OTOGL: variants seen among roughly 807,000 people sequenced by gnomAD.
OTOGL encodes the protein otogelin-like protein.
In OTOGL, 285 loss-of-function variants were observed where a neutral mutation model predicts 318.5. The ratio of observed to expected loss-of-function variants is 0.89; its 90% CI spans 0.81 to 0.99. The LOEUF (loss-of-function observed/expected upper bound fraction) is 0.99, where lower values mean the gene tolerates loss of function less well. OTOGL is among the 50% of genes least tolerant of loss of function. The probability of loss-of-function intolerance (pLI) is 0.00; values close to 1 mark genes in which losing one functional copy is unlikely to be tolerated. For missense variants in OTOGL, 2,899 were observed against 2,845.6 expected (o/e 1.02, Z -0.43); for synonymous variants, 987 against 936.5 (o/e 1.05, Z -0.99).
intron 1 of OTOGL, among the ~76,000 whole-genome samples, chr12:80,101,155 T>C (rs367798640): frequency 6.6e-6 from 1 of 152,200 alleles, no homozygotes; most frequent in Admixed American, 6.5e-5. Context: ...ACTTAAGATG[T>C]TCCTGCAGAA....
At chr12:80,369,028 A>T (rs1050442931) in intron 55 of OTOGL, among the ~76,000 whole-genome samples, 2 of 151,878 alleles carry the variant, frequency 1.3e-5, no homozygotes, top group Non-Finnish European at 2.9e-5. Flanking sequence ...AAAAATATAT[A>T]TATGTATAAT....
chr12:80,352,620 C>A (rs1184415562), intron 45 of OTOGL, among the ~76,000 whole-genome samples, 184 bp downstream of exon 45: 1 of 152,142 alleles, frequency 6.6e-6, no homozygotes, highest in Non-Finnish European at 1.5e-5. Context: ...ACATGAAGCT[C>A]CCTTTGTGCC....
chr12:80,319,239 C>T (rs929337620), intron 33 of OTOGL, among the ~76,000 whole-genome samples: 3 of 152,106 alleles, frequency 2.0e-5, no homozygotes, highest in African/African-American at 7.2e-5. Context: ...CTGGTTTGCA[C>T]CTGCAGGTCT....
intron 1 of OTOGL, among the ~76,000 whole-genome samples, chr12:80,105,729 C>T (rs1400458917): frequency 6.6e-6 from 1 of 152,138 alleles, no homozygotes; most frequent in Non-Finnish European, 1.5e-5. Context: ...TCCCCTTTAC[C>T]CATTCAGACT....
chr12:80,107,563 C>T (rs947878274), intron 1 of OTOGL, among the ~76,000 whole-genome samples: 8 of 152,224 alleles, frequency 5.3e-5, no homozygotes, highest in Non-Finnish European at 7.4e-5. Flanking sequence ...GAACTTAAAA[C>T]AGAATTACCG....
In OTOGL at chr12:80,356,406, T is replaced by A; in HGVS notation, c.5807-10T>A. The stretch of plus-strand genomic sequence containing the variant: ...TTCACTAATATTTTAACAGTTTTTC[T>A]TATTTATAGGATGTGACACGACTTT... On this transcript the variant is annotated splice_polypyrimidine_tract_variant and intron_variant, in intron 47 of 58. Coordinates refer to ENST00000547103, the MANE Select transcript of OTOGL (RefSeq NM_001378609.3). 1 of 1,596,650 alleles carries A rather than the reference T, an allele frequency of 6.3e-7. No homozygotes were observed. The highest frequency in any genetic ancestry group is 8.6e-7 in the Non-Finnish European group (1 of 1,168,680).
intron 44 of OTOGL, chr12:80,343,922 A>G (rs1202571963): frequency 6.6e-6 from 1 of 152,224 alleles, no homozygotes; most frequent in Admixed American, 6.5e-5. Flanking sequence ...GGAAAACATT[A>G]AAAGAGTTTG....
chr12:80,214,689 A>T (rs1270372265), intron 4 of OTOGL, among the ~76,000 whole-genome samples: 1 of 152,124 alleles, frequency 6.6e-6, no homozygotes, highest in African/African-American at 2.4e-5. Context: ...TTGATGACAT[A>T]CCAAGGACAG....
intron 18 of OTOGL, among the ~76,000 whole-genome samples, chr12:80,259,606 C>T (rs975882843): frequency 2.0e-5 from 3 of 151,974 alleles, no homozygotes; most frequent in African/African-American, 2.4e-5. Context: ...TTGCTCAACT[C>T]CCACTTATGA....
In OTOGL at chr12:80,274,234, T is replaced by G. The variant is rs1366674011; in HGVS notation, c.2681+2424T>G. ...AGTCCTTTTGCAACAGTTAGCCAAA[T>G]TGTGAATGCAAAGGAAAAGTTCATG... On this transcript the variant is annotated intron_variant, in intron 24 of 58. Coordinates refer to ENST00000547103, the MANE Select transcript of OTOGL (RefSeq NM_001378609.3). Among the ~76,000 whole-genome samples the G allele has an allele frequency of 2.0e-5, 3 of 152,026 alleles. No homozygotes were observed. In the East Asian group the frequency reaches 5.8e-4, roughly 29 times the overall value.
intron 1 of OTOGL, among the ~76,000 whole-genome samples, chr12:80,161,296 C>T (rs568795460): frequency 6.6e-5 from 10 of 151,298 alleles, no homozygotes; most frequent in South Asian, 4.2e-4. Context: ...AAATGAGAGA[C>T]GTGGAAAAAC....
At position 80,256,837 on chromosome 12, in the gene OTOGL, A is replaced by G. The variant is rs112112633; in HGVS notation, c.1711+377A>G. On this transcript the variant is annotated intron_variant, in intron 17 of 58. Coordinates refer to ENST00000547103, the MANE Select transcript of OTOGL (RefSeq NM_001378609.3). ...TGTTTTCTGAAAGAGGTGGGTGATT[A>G]TACAATGATTGTCTCATTGAGCATT... 2.3e-3 allele frequency among the ~76,000 whole-genome samples: 347 copies of G among 152,246 alleles called. 4 individuals are homozygous for G. Among genetic ancestry groups the G allele is most frequent in the African/African-American group, 8.0e-3 (332 of 41,562 alleles).
intron 44 of OTOGL, among the ~76,000 whole-genome samples, chr12:80,345,652 G>A (rs1889150807): frequency 6.6e-6 from 1 of 152,072 alleles, no homozygotes; most frequent in African/African-American, 2.4e-5. Flanking sequence ...TAATGGTCAA[G>A]AAGAACTCAC....
intron 29 of OTOGL, among the ~76,000 whole-genome samples, chr12:80,309,091 A>G (rs1216700217): frequency 6.6e-6 from 1 of 152,218 alleles, no homozygotes; most frequent in East Asian, 1.9e-4. Context: ...TAAATTTTTT[A>G]TTCATACCTG....
At chr12:80,308,252 G>C in intron 29 of OTOGL, among the ~76,000 whole-genome samples, 1 of 151,150 alleles carries the variant, frequency 6.6e-6, no homozygotes, top group Non-Finnish European at 1.5e-5. Flanking sequence ...TTCTCAGACG[G>C]GGCGGCTGCC....
chr12:80,358,911 A>G lies in OTOGL; in HGVS notation c.6267+11A>G, dbSNP rs781324383. ...CCAACTTGTGAAGTGGTAAGAACAC[A>G]TATTTTGATTGACTTGTCATATTTA... On this transcript the variant is annotated intron_variant, in intron 52 of 58. Coordinates refer to ENST00000547103, the MANE Select transcript of OTOGL (RefSeq NM_001378609.3). The G allele has an allele frequency of 6.8e-7, 1 of 1,468,416 alleles. No individual in the cohort carries two copies. Among genetic ancestry groups the G allele is most frequent in the South Asian group, 1.3e-5 (1 of 79,804 alleles). 91.0% of individuals were successfully genotyped at this position (1,468,416 alleles called of 1,614,324 possible).
At chr12:80,101,010 C>T (rs1262469285) in intron 1 of OTOGL, among the ~76,000 whole-genome samples, 2 of 152,082 alleles carry the variant, frequency 1.3e-5, no homozygotes, top group Non-Finnish European at 2.9e-5. Context: ...ACTGATCAAG[C>T]ATTTAAATAA....
chr12:80,144,374 A>G lies in OTOGL; in HGVS notation c.-20+44769A>G, dbSNP rs544686146. Among the ~76,000 whole-genome samples the G allele has an allele frequency of 1.8e-4, 27 of 151,556 alleles. No homozygotes were observed. In the South Asian group the frequency reaches 5.4e-3, roughly 31 times the overall value. The stretch of plus-strand genomic sequence containing the variant: ...TCCAATTTCATCCATGTCCCTACAA[A>G]GGACATGAACTCATCATTTTTTATG... On this transcript the variant is annotated intron_variant, in intron 1 of 58. Coordinates refer to ENST00000547103, the MANE Select transcript of OTOGL (RefSeq NM_001378609.3).
chr12:80,222,828 C>A (rs146926923), intron 7 of OTOGL, among the ~76,000 whole-genome samples: 3 of 152,112 alleles, frequency 2.0e-5, no homozygotes, highest in Non-Finnish European at 4.4e-5. Context: ...TTATGCTTTC[C>A]CTTTTTACTT....
Sources: allele counts gnomAD v4.1 joint callset (sites outside exome capture counted in the v4.1 genomes callset), GRCh38; gene constraint gnomAD v4.1.1; transcripts MANE v1.5; gene names NCBI Gene and HGNC (gene_info 2026-07-23, HGNC 2026-07-21).